IMPG2: variants seen among roughly 807,000 people sequenced by gnomAD.
IMPG2 encodes interphotoreceptor matrix proteoglycan 2, also known as IPM 200.
A neutral mutation model predicts 129.2 loss-of-function variants in IMPG2; 91 were observed. The observed-to-expected ratio is 0.70, with a 90% CI of 0.59 to 0.84. The LOEUF (loss-of-function observed/expected upper bound fraction) is 0.84, where lower values mean the gene tolerates loss of function less well. Among genes scored for constraint, IMPG2 ranks in the 40% least tolerant of loss-of-function variants. The probability of loss-of-function intolerance (pLI) is 0.00; values close to 1 mark genes in which losing one functional copy is unlikely to be tolerated. For missense variants in IMPG2, 1,430 were observed against 1,461.7 expected (o/e 0.98, Z 0.35); for synonymous variants, 510 against 517.7 (o/e 0.99, Z 0.20).
intron 11 of IMPG2, among the ~76,000 whole-genome samples, chr3:101,247,426 C>T (rs1706492222): frequency 2.0e-5 from 3 of 152,034 alleles, no homozygotes; most frequent in South Asian, 2.1e-4. Context: ...GGAGAAACCC[C>T]GCCTCTGCTA....
intron 2 of IMPG2, among the ~76,000 whole-genome samples, chr3:101,312,063 C>T (rs1005350325): frequency 9.9e-5 from 15 of 151,732 alleles, no homozygotes; most frequent in South Asian, 4.2e-4. Flanking sequence ...AAAACTTAAA[C>T]GTACACACCA....
At position 101,257,679 on chromosome 3, in the gene IMPG2, T is replaced by A; in HGVS notation, c.1003A>T (p.Asn335Tyr). The change falls in exon 10 of 19, where the codon AAC (asparagine) becomes TAC (tyrosine). Residue 335 changes from asparagine to tyrosine, a missense_variant. By Grantham distance (143) the Asn-to-Tyr change is moderately radical (BLOSUM62 -2). Coordinates refer to ENST00000193391, the MANE Select transcript of IMPG2 (RefSeq NM_016247.4). ...LISLHSNKVE[N>Y]HGLVELDDKP... ...TCATCCAGTTCCACAAGGCCATGGT[T>A]TTCCACCTTGTTGGAGTGAAGGCTA... The A allele has an allele frequency of 1.2e-6, 2 of 1,613,444 alleles. No homozygotes were observed. The highest frequency in any genetic ancestry group is 1.1e-5 in the South Asian group (1 of 91,068).
intron 4 of IMPG2, among the ~76,000 whole-genome samples, chr3:101,278,267 C>T (rs1373629676): frequency 6.6e-6 from 1 of 152,082 alleles, no homozygotes; most frequent in East Asian, 1.9e-4. Flanking sequence ...CTCTTCAATG[C>T]TACCAAGTCA....
chr3:101,317,292 T>TA (rs1215487001), intron 2 of IMPG2, among the ~76,000 whole-genome samples: 2 of 152,082 alleles, frequency 1.3e-5, no homozygotes, highest in African/African-American at 2.4e-5. Context: ...ATATTTTTTT[T>TA]AAAAAAGAGA....
intron 7 of IMPG2, 134 bp downstream of exon 7, chr3:101,273,447 T>C (rs1328638691): frequency 7.1e-6 from 6 of 843,988 alleles, no homozygotes; most frequent in Non-Finnish European, 1.1e-5. Context: ...TCTGAAGAAA[T>C]GGCTAAGTAA....
intron 8 of IMPG2, 64 bp downstream of exon 8, chr3:101,269,451 T>C (rs942069988): frequency 1.7e-5 from 15 of 894,058 alleles, no homozygotes; most frequent in South Asian, 5.4e-5. Context: ...ATAAATATAA[T>C]GGACATTCCA....
intron 3 of IMPG2, among the ~76,000 whole-genome samples, chr3:101,299,932 A>AG (rs1707122008): frequency 6.6e-6 from 1 of 152,148 alleles, no homozygotes; most frequent in Non-Finnish European, 1.5e-5. Context: ...CCCTTGGTGG[A>AG]GGGGGTGTGC....
intron 2 of IMPG2, among the ~76,000 whole-genome samples, chr3:101,311,059 AC>A (rs1559660514): frequency 6.6e-6 from 1 of 151,914 alleles, no homozygotes; most frequent in African/African-American, 2.4e-5. Context: ...ACACAGATCC[AC>A]CCCCAAGAGA....
chr3:101,273,409 A>G (rs1283600835), intron 7 of IMPG2, among the ~76,000 whole-genome samples, 172 bp downstream of exon 7: 2 of 152,204 alleles, frequency 1.3e-5, no homozygotes, highest in African/African-American at 2.4e-5. Context: ...GAAAGAATTC[A>G]TCTGTCCTAT....
At chr3:101,294,707 C>T (rs1707059820) in intron 3 of IMPG2, among the ~76,000 whole-genome samples, 2 of 152,226 alleles carry the variant, frequency 1.3e-5, no homozygotes, top group East Asian at 3.8e-4. Context: ...TCATTCCCAC[C>T]AGCAGTGTAA....
chr3:101,320,170 G>T (rs1576776766), intron 1 of IMPG2, 118 bp downstream of exon 1: 1 of 661,838 alleles, frequency 1.5e-6, no homozygotes, highest in East Asian at 3.0e-5. Context: ...CCATATCAAA[G>T]ATTAATAAAG....
chr3:101,303,540 T>G (rs1312135803), intron 3 of IMPG2, among the ~76,000 whole-genome samples: 2 of 152,180 alleles, frequency 1.3e-5, no homozygotes, highest in Non-Finnish European at 2.9e-5. Context: ...CACGTACGTC[T>G]GGACAGTTTC....
At chr3:101,269,423 A>G in intron 8 of IMPG2, 92 bp downstream of exon 8, 4 of 775,616 alleles carry the variant, frequency 5.2e-6, no homozygotes, top group Non-Finnish European at 6.9e-6. Flanking sequence ...CAAACCATTT[A>G]TTGTTAGAAT....
chr3:101,310,378 G>A (rs952134170), intron 2 of IMPG2, among the ~76,000 whole-genome samples: 3 of 151,940 alleles, frequency 2.0e-5, no homozygotes, highest in African/African-American at 7.3e-5. Context: ...CCTGGGCAAC[G>A]ATATCTTGTC....
At chr3:101,272,051 G>A (rs1039401195) in intron 7 of IMPG2, among the ~76,000 whole-genome samples, 4 of 151,852 alleles carry the variant, frequency 2.6e-5, no homozygotes, top group Admixed American at 1.3e-4. Flanking sequence ...GTTGTACTTC[G>A]TGTTATCCCA....
chr3:101,245,773 A>T, intron 12 of IMPG2, 29 bp downstream of exon 12: 4 of 1,595,556 alleles, frequency 2.5e-6, no homozygotes, highest in Non-Finnish European at 3.4e-6. Context: ...ATACAATAAG[A>T]AGTACGAAAA....
intron 14 of IMPG2, among the ~76,000 whole-genome samples, chr3:101,233,249 T>A (rs536014752): frequency 6.6e-6 from 1 of 152,318 alleles, no homozygotes; most frequent in South Asian, 2.1e-4. Context: ...ATATTTTATC[T>A]AGGGAGCATG....
chr3:101,262,176 T>C (rs12488023), intron 9 of IMPG2, among the ~76,000 whole-genome samples: 1 of 152,092 alleles, frequency 6.6e-6, no homozygotes, highest in Admixed American at 6.6e-5. Context: ...TCTTCTTTTA[T>C]AGCTTCTTTT....
intron 18 of IMPG2, 144 bp from the exon 19 acceptor site, chr3:101,227,125 G>A: frequency 4.2e-6 from 4 of 941,334 alleles, no homozygotes; most frequent in Non-Finnish European, 3.2e-6. Flanking sequence ...AAGTTGTTCT[G>A]TTCTGTGCTA....
Sources: allele counts gnomAD v4.1 joint callset (sites outside exome capture counted in the v4.1 genomes callset), GRCh38; gene constraint gnomAD v4.1.1; transcripts MANE v1.5; gene names NCBI Gene and HGNC (gene_info 2026-07-23, HGNC 2026-07-21).